RNF43: variants seen among roughly 807,000 people sequenced by gnomAD.
RNF43 encodes ring finger protein 43, also known as E3 ubiquitin-protein ligase RNF43.
A neutral mutation model predicts 78.4 loss-of-function variants in RNF43; 37 were observed. That is an observed-to-expected ratio of 0.47 (90% CI 0.36 to 0.62). RNF43 has a LOEUF of 0.62. Among genes scored for constraint, RNF43 ranks in the 20% least tolerant of loss-of-function variants. RNF43 has a pLI of 0.00. For synonymous variants in RNF43, 347 were observed against 395.0 expected (o/e 0.88, Z 1.44); for missense variants, 774 against 1,007.9 (o/e 0.77, Z 3.14).
Position 58,363,270 on chromosome 17 carries a change from CTT to C in RNF43, c.582+3_582+4del, listed in dbSNP as rs1851392965. ...GGGCAAGGTCTGGAGGTCTAGTGTG[CTT>C]ACCCAGGCCGGGGGCTCCTTCAGCT... is the stretch of plus-strand genomic sequence containing the variant. On this transcript the variant is annotated splice_donor_region_variant and intron_variant, in intron 5 of 9. Transcript: ENST00000407977. 6.2e-7 allele frequency: 1 copy of C among 1,612,978 alleles called. No individual in the cohort carries two copies. Among genetic ancestry groups the C allele is most frequent in the Admixed American group, 1.7e-5 (1 of 59,990 alleles).
intron 2 of RNF43, among the ~76,000 whole-genome samples, chr17:58,408,730 T>C (rs980651315): frequency 1.3e-5 from 2 of 152,178 alleles, no homozygotes; most frequent in Non-Finnish European, 2.9e-5. Context: ...TATAACATAC[T>C]TTAAAAATGT....
chr17:58,390,015 G>T (rs1490155920), intron 2 of RNF43, among the ~76,000 whole-genome samples: 2 of 152,222 alleles, frequency 1.3e-5, no homozygotes, highest in Non-Finnish European at 2.9e-5. Flanking sequence ...TATCTCTGCA[G>T]TTGGTAAATC....
intron 2 of RNF43, among the ~76,000 whole-genome samples, chr17:58,382,964 G>T (rs1038434642): frequency 2.0e-5 from 3 of 152,130 alleles, no homozygotes; most frequent in Non-Finnish European, 4.4e-5. Flanking sequence ...TTTTTTGAGA[G>T]AAGCCATTTA....
intron 2 of RNF43, among the ~76,000 whole-genome samples, chr17:58,396,010 C>A (rs1973671964): frequency 6.6e-6 from 1 of 152,106 alleles, no homozygotes; most frequent in South Asian, 2.1e-4. Flanking sequence ...TTAATGTAGC[C>A]TGCAGAAAAC....
rs1269177567 is a variant in RNF43, at chr17:58,354,750, T to TGTGGAG, written c.*192_*193insCTCCAC. The TGTGGAG allele has an allele frequency of 1.6e-6, 1 of 618,428 alleles. No individual in the cohort carries two copies. The highest frequency in any genetic ancestry group is 2.8e-5 in the East Asian group (1 of 35,924). The allele number at this position is 618,428 out of a possible 1,614,324, so 38.3% of individuals were successfully genotyped here. A position where few individuals can be genotyped will look rare whatever the true frequency, so the allele number is the denominator to read the frequency against. ...CTGCAGATGTTTTCTGCAGACAAGG[T>TGTGGAG]CTGGAGCTGGAGCAGGAAACGGCAC... is the stretch of plus-strand genomic sequence containing the variant. On this transcript the variant is annotated 3_prime_UTR_variant, in exon 10 of 10. Coordinates refer to ENST00000407977, the MANE Select transcript of RNF43 (RefSeq NM_017763.6).
intron 2 of RNF43, among the ~76,000 whole-genome samples, chr17:58,411,123 T>C (rs1441276428): frequency 6.6e-6 from 1 of 152,176 alleles, no homozygotes; most frequent in Non-Finnish European, 1.5e-5. Context: ...AAAGTTATTA[T>C]GAGAATTCAG....
chr17:58,375,791 C>A (rs117146580), intron 2 of RNF43, among the ~76,000 whole-genome samples: 1 of 152,180 alleles, frequency 6.6e-6, no homozygotes, highest in Non-Finnish European at 1.5e-5. Context: ...TAAAAAAGAA[C>A]GACAGTTATT....
intron 2 of RNF43, among the ~76,000 whole-genome samples, chr17:58,413,104 A>AAAT (rs1974056299): frequency 1.3e-5 from 2 of 152,168 alleles, no homozygotes; most frequent in Admixed American, 1.3e-4. Context: ...AACTTCAGTT[A>AAAT]AATGGAAGGC....
chr17:58,408,645 G>C (rs1347455838), intron 2 of RNF43, among the ~76,000 whole-genome samples: 2 of 152,106 alleles, frequency 1.3e-5, no homozygotes, highest in African/African-American at 4.8e-5. Context: ...CAACACACGA[G>C]GCTGTTGGTA....
At chr17:58,356,171 T>C (rs1397979027) in intron 9 of RNF43, among the ~76,000 whole-genome samples, 1 of 152,124 alleles carries the variant, frequency 6.6e-6, no homozygotes, top group East Asian at 1.9e-4. Context: ...GCAAGTTCCA[T>C]GTCTTCAGAG....
At chr17:58,367,399 G>A (rs913886170) in intron 3 of RNF43, among the ~76,000 whole-genome samples, 7 of 152,168 alleles carry the variant, frequency 4.6e-5, no homozygotes, top group African/African-American at 1.2e-4. Context: ...CCACTTTTGA[G>A]GTGGGAAACT....
intron 3 of RNF43, 64 bp downstream of exon 3, chr17:58,370,847 G>T (rs1394540956): frequency 1.4e-6 from 2 of 1,449,138 alleles, no homozygotes; most frequent in South Asian, 1.5e-5. Context: ...GAGAGCACAG[G>T]GTCTTCTCAC....
chr17:58,392,064 T>C (rs1973571947), intron 2 of RNF43, among the ~76,000 whole-genome samples: 1 of 152,146 alleles, frequency 6.6e-6, no homozygotes, highest in African/African-American at 2.4e-5. Context: ...AGACAGTGGA[T>C]CTGGAAGAAT....
chr17:58,398,377 T>C (rs1973727499), intron 2 of RNF43, among the ~76,000 whole-genome samples: 1 of 152,200 alleles, frequency 6.6e-6, no homozygotes, highest in Non-Finnish European at 1.5e-5. Context: ...AAGTTCTTAT[T>C]TGCTTTTTAG....
In RNF43 at chr17:58,354,866, C is replaced by T. The variant is rs1972652308; in HGVS notation, c.*77G>A. The T allele has an allele frequency of 7.6e-7, 1 of 1,315,010 alleles. No homozygotes were observed. Among genetic ancestry groups the T allele is most frequent in the Non-Finnish European group, 1.1e-6 (1 of 908,210 alleles). 81.5% of individuals were successfully genotyped at this position (1,315,010 alleles called of 1,614,324 possible). A position where few individuals can be genotyped will look rare whatever the true frequency, so the allele number is the denominator to read the frequency against. ...TGTTTGCTGTGGTCCTTTCCTTTCCCAGGAGCAGGACTCTGTGCCAGGTAG... is the reference window on the plus strand; with the variant it reads ...TGTTTGCTGTGGTCCTTTCCTTTCCTAGGAGCAGGACTCTGTGCCAGGTAG... On this transcript the variant is annotated 3_prime_UTR_variant, in exon 10 of 10. Transcript: ENST00000407977.
intron 3 of RNF43, among the ~76,000 whole-genome samples, chr17:58,365,911 C>T (rs903230224): frequency 6.6e-6 from 1 of 152,198 alleles, no homozygotes; most frequent in Non-Finnish European, 1.5e-5. Flanking sequence ...GGAGCCATTA[C>T]AGAGAGAGCA....
intron 2 of RNF43, among the ~76,000 whole-genome samples, chr17:58,398,333 TAA>T (rs1973726622): frequency 6.6e-6 from 1 of 152,208 alleles, no homozygotes; most frequent in Non-Finnish European, 1.5e-5. Flanking sequence ...TGAAATAATA[TAA>T]GAGACTGGGC....
At chr17:58,407,460 T>A (rs975054724) in intron 2 of RNF43, among the ~76,000 whole-genome samples, 3 of 152,136 alleles carry the variant, frequency 2.0e-5, no homozygotes, top group African/African-American at 7.2e-5. Context: ...CTTACAATTT[T>A]AAAAAAACCT....
At chr17:58,372,555 T>C (rs2143524519) in intron 2 of RNF43, among the ~76,000 whole-genome samples, 1 of 152,352 alleles carries the variant, frequency 6.6e-6, no homozygotes, top group South Asian at 2.1e-4. Flanking sequence ...TTCTTTGTTC[T>C]GCCAGCACGG....
Sources: allele counts gnomAD v4.1 joint callset (sites outside exome capture counted in the v4.1 genomes callset), GRCh38; gene constraint gnomAD v4.1.1; transcripts MANE v1.5; gene names NCBI Gene and HGNC (gene_info 2026-07-23, HGNC 2026-07-21).